The following COL16A1 variants were observed in gnomAD, a reference collection of about 807,000 sequenced individuals.
The protein encoded by COL16A1 is collagen alpha-1(XVI) chain.
In COL16A1, 189 loss-of-function variants were observed where a neutral mutation model predicts 266.3. The ratio of observed to expected loss-of-function variants is 0.71; its 90% CI spans 0.63 to 0.80. COL16A1 has a LOEUF of 0.80. Ranked by LOEUF, COL16A1 falls within the 30% of genes least tolerant of loss-of-function variation. The pLI is 0.00. For missense variants in COL16A1, 1,928 were observed against 2,122.4 expected, an observed-to-expected ratio of 0.91 and a Z score of 1.80; for synonymous variants, 740 against 782.3, an observed-to-expected ratio of 0.95 and a Z score of 0.90.
At chr1:31,690,203 G>T (rs1161915211) in intron 22 of COL16A1, among the ~76,000 whole-genome samples, 164 bp downstream of exon 22, 2 of 152,218 alleles carry the variant, frequency 1.3e-5, no homozygotes, top group Non-Finnish European at 2.9e-5. Context: ...CCTAAGCCAG[G>T]TTCTTTATGT....
rs761376792 is a variant in COL16A1, at chr1:31,692,495, G to C, written c.1173C>G (p.Leu391=). 1.9e-6 allele frequency: 3 copies of C among 1,613,764 alleles called. No homozygotes were observed. The highest frequency in any genetic ancestry group is 2.5e-6 in the Non-Finnish European group (3 of 1,179,770). The change falls in exon 16 of 71, where the codon CTC becomes CTG. Residue 391 remains leucine, a synonymous_variant. Coordinates refer to ENST00000373672, the MANE Select transcript of COL16A1 (RefSeq NM_001856.4). ...TTACCTTCTCGCCTGTTGAGCCTGG[G>C]AGTCCTGAGGGTCCCTGAGATGAGG... The part of the protein sequence containing the change: ...GESGALGPSG[L]PGSTGEKGQK...
intron 67 of COL16A1, 31 bp downstream of exon 67, chr1:31,655,283 A>G: frequency 6.2e-7 from 1 of 1,601,946 alleles, no homozygotes. Context: ...TCTATGGGAC[A>G]GTGCCCACAG....
At chr1:31,669,944 G>C (rs1642503780) in intron 49 of COL16A1, 1 of 152,366 alleles carries the variant, frequency 6.6e-6, no homozygotes, top group Non-Finnish European at 1.5e-5. Flanking sequence ...CCGCCTTGGA[G>C]CAGACTGGGA....
In COL16A1 at chr1:31,694,180, C is replaced by A; in HGVS notation, c.982-10G>T. Reference sequence around the variant, plus strand: ...AGGGAGCAAGTGTGACCTGAGGGGACAGAGGAGAGGGCATCACACTTCCGG... The same window carrying A: ...AGGGAGCAAGTGTGACCTGAGGGGAAAGAGGAGAGGGCATCACACTTCCGG... On this transcript the variant is annotated splice_polypyrimidine_tract_variant and intron_variant, in intron 11 of 70. Transcript: ENST00000373672. The A allele has an allele frequency of 6.3e-7, 1 of 1,584,868 alleles. No homozygotes were observed. The highest frequency in any genetic ancestry group is 1.2e-5 in the South Asian group (1 of 85,908).
At chr1:31,655,258 AC>A in intron 67 of COL16A1, 55 bp downstream of exon 67, 1 of 1,550,822 alleles carries the variant, frequency 6.4e-7, no homozygotes, top group Non-Finnish European at 8.7e-7. Context: ...TCCGAGCTCC[AC>A]CCCACATGCC....
chr1:31,675,112 C>G (rs1235805958), intron 43 of COL16A1, 73 bp from the exon 44 acceptor site: 80 of 1,610,918 alleles, frequency 5.0e-5, no homozygotes, highest in Non-Finnish European at 6.5e-5. Flanking sequence ...TCAGGGAGAG[C>G]CTTGGGACAC....
intron 23 of COL16A1, 163 bp from the exon 24 acceptor site, chr1:31,689,248 C>G (rs1225565403): frequency 1.7e-6 from 2 of 1,167,310 alleles, no homozygotes; most frequent in Non-Finnish European, 2.4e-6. Context: ...GTTCATCAAC[C>G]CACATAACAA....
chr1:31,665,561 G>T, intron 55 of COL16A1, 22 bp downstream of exon 55: 1 of 1,614,144 alleles, frequency 6.2e-7, no homozygotes, highest in African/African-American at 1.3e-5. Context: ...GACAGAGCTG[G>T]CTTTGTGTCT....
At position 31,697,067 on chromosome 1, in the gene COL16A1, C is replaced by T. The variant is rs1484307108; in HGVS notation, c.760G>A (p.Ala254Thr). The T allele has an allele frequency of 6.2e-7, 1 of 1,614,158 alleles. No individual in the cohort carries two copies. The highest frequency in any genetic ancestry group is 2.2e-5 in the East Asian group (1 of 44,878). ...PAGCPPETSK[A>T]RRDTQSNELI... The stretch of plus-strand genomic sequence containing the variant: ...TCATTGCTCTGGGTGTCCCGGCGGG[C>T]CTTGGAGGTCTCTGGGGGGCACTGT... The change falls in exon 8 of 71, where the codon GCC becomes ACC. Residue 254 changes from alanine to threonine, a missense_variant. By Grantham distance (58) the Ala-to-Thr change is moderately conservative. This residue lies in a region of COL16A1 where 1,552 missense variants were observed against 1,637.2 expected (regional missense o/e 0.95). Transcript: ENST00000373672. The surrounding 1 kb of genome is among the most constrained non-coding windows in gnomAD (Gnocchi z 4.2).
In COL16A1 at chr1:31,656,425, C is replaced by G; in HGVS notation, c.4076G>C (p.Gly1359Ala). The change falls in exon 66 of 71, where the codon GGA becomes GCA. Residue 1359 changes from glycine to alanine, a missense_variant. By Grantham distance (60) the Gly-to-Ala change is moderately conservative. Transcript: ENST00000373672. This position sits in a 1 kb window ranked among gnomAD's most constrained non-coding sequence, Gnocchi z 4.2. The stretch of plus-strand genomic sequence containing the variant: ...CTTGGGACCAGGAGGTCCATAGAAT[C>G]CCTGCTTTCCAGGGGGTCCCTAGAG... The part of the protein sequence containing the change: ...AGKEGPPGKQ[G>A]FYGPPGPKGD... 6.2e-7 allele frequency: 1 copy of G among 1,613,434 alleles called. No individual in the cohort carries two copies. Among genetic ancestry groups the G allele is most frequent in the Non-Finnish European group, 8.5e-7 (1 of 1,179,806 alleles).
chr1:31,689,999 G>T (rs2148800085), intron 22 of COL16A1, 148 bp from the exon 23 acceptor site: 2 of 673,060 alleles, frequency 3.0e-6, no homozygotes, highest in East Asian at 5.5e-5. Flanking sequence ...TGCCGCTGGG[G>T]CTTCCTGTTC....
chr1:31,697,862 C>T lies in COL16A1; in HGVS notation c.657+44G>A. 1 of 1,551,978 alleles carries T rather than the reference C, an allele frequency of 6.4e-7. No homozygotes were observed. Among genetic ancestry groups the T allele is most frequent in the Non-Finnish European group, 8.7e-7 (1 of 1,150,014 alleles). The stretch of plus-strand genomic sequence containing the variant: ...GGATTCCAGGAAGCCCACTCAGGTT[C>T]CCAGAAGGCAGGAACAGAGGTCAGG... On this transcript the variant is annotated intron_variant, in intron 6 of 70. Transcript: ENST00000373672. The surrounding 1 kb of genome is among the most constrained non-coding windows in gnomAD (Gnocchi z 4.2).
At chr1:31,662,734 G>C in intron 56 of COL16A1, 76 bp from the exon 57 acceptor site, 1 of 1,417,008 alleles carries the variant, frequency 7.1e-7, no homozygotes, top group Non-Finnish European at 9.4e-7. Context: ...TGGAGACCAG[G>C]CCCTGGGTCA....
intron 62 of COL16A1, chr1:31,659,954 C>CTTTTTTTTT (rs386366633): frequency 4.1e-5 from 4 of 97,064 alleles, no homozygotes; most frequent in Non-Finnish European, 6.3e-5. Context: ...CCTGAGAGTT[C>CTTTTTTTTT]TTTTTTTTTT....
intron 67 of COL16A1, 100 bp from the exon 68 acceptor site, chr1:31,654,958 C>A: frequency 7.3e-7 from 1 of 1,370,160 alleles, no homozygotes. Context: ...GTCCCAGGAG[C>A]CTCCCACAGA....
chr1:31,684,785 C>A, intron 30 of COL16A1, 36 bp downstream of exon 30: 1 of 1,613,958 alleles, frequency 6.2e-7, no homozygotes, highest in Non-Finnish European at 8.5e-7. Flanking sequence ...TGAGATGATG[C>A]CATGCCCACC....
At position 31,698,438 on chromosome 1, in the gene COL16A1, C is replaced by T; in HGVS notation, c.390+45G>A. ...GGATGAAAGGTGGGCTGGACTGGTG[C>T]TACCCAATGCCCTAAGAGGCAATCA... On this transcript the variant is annotated intron_variant, in intron 5 of 70. Coordinates refer to ENST00000373672, the MANE Select transcript of COL16A1 (RefSeq NM_001856.4). The surrounding 1 kb of genome is among the most constrained non-coding windows in gnomAD (Gnocchi z 4.1). The T allele has an allele frequency of 6.2e-7, 1 of 1,611,304 alleles. No homozygotes were observed. The highest frequency in any genetic ancestry group is 1.1e-5 in the South Asian group (1 of 90,608).
intron 3 of COL16A1, 27 bp from the exon 4 acceptor site, chr1:31,699,957 C>T: frequency 1.3e-6 from 2 of 1,595,506 alleles, no homozygotes; most frequent in Non-Finnish European, 8.6e-7. Flanking sequence ...AGGTGAAGAG[C>T]TCAGCTGAGC....
Position 31,656,072 on chromosome 1 carries a change from C to G in COL16A1, c.4101+328G>C. 1 of 414,762 alleles carries G rather than the reference C, an allele frequency of 2.4e-6. No homozygotes were observed. Among genetic ancestry groups the G allele is most frequent in the Non-Finnish European group, 4.4e-6 (1 of 227,892 alleles). 25.7% of individuals were successfully genotyped at this position (414,762 alleles called of 1,614,324 possible). On this transcript the variant is annotated intron_variant, in intron 66 of 70. Coordinates refer to ENST00000373672, the MANE Select transcript of COL16A1 (RefSeq NM_001856.4). This position sits in a 1 kb window ranked among gnomAD's most constrained non-coding sequence, Gnocchi z 4.2. ...AAGTGTGACTGGTCTATTGTGAGCA[C>G]CTATTGTTCAGGGACCTCTGTTTAC...
Sources: gnomAD v4.1 joint callset for allele counts (sites outside exome capture counted in the v4.1 genomes callset) on GRCh38, gnomAD v4.1.1 for gene constraint, gnomAD v4.1.1 regional missense constraint, Gnocchi (gnomAD v3.1) non-coding constraint, MANE v1.5 for transcripts, NCBI Gene and HGNC (gene_info 2026-07-23, HGNC 2026-07-21) for gene names.